Variants in TRIM33 observed in about 807,000 individuals in gnomAD.
TRIM33 encodes the protein tripartite motif containing 33.
In TRIM33, 20 loss-of-function variants were observed where a neutral mutation model predicts 125.4. The observed-to-expected ratio is 0.16, with a 90% CI of 0.11 to 0.23. TRIM33 has a LOEUF of 0.23. Ranked by LOEUF, TRIM33 falls within the 10% of genes least tolerant of loss-of-function variation. The probability of loss-of-function intolerance (pLI) is 1.00; values close to 1 mark genes in which losing one functional copy is unlikely to be tolerated. For synonymous variants in TRIM33, 564 were observed against 513.9 expected, an observed-to-expected ratio of 1.10 and a Z score of -1.32; for missense variants, 920 against 1,411.4, an observed-to-expected ratio of 0.65 and a Z score of 5.58.
chr1:114,398,042 TAA>T lies in TRIM33; in HGVS notation c.3121-54_3121-53del, dbSNP rs754154851. The T allele has an allele frequency of 3.2e-6, 5 of 1,586,220 alleles. No individual in the cohort carries two copies. In the East Asian group the frequency reaches 1.1e-4, roughly 35 times the overall value. On this transcript the variant is annotated intron_variant, in intron 18 of 19. Coordinates refer to ENST00000358465, the MANE Select transcript of TRIM33 (RefSeq NM_015906.4). ...AAAAAAGGGAAATTATAATCCTTTCTAAAGTTATGAGACTGCATAGGATTGGC... is the reference window on the plus strand; with the variant it reads ...AAAAAAGGGAAATTATAATCCTTTCTAGTTATGAGACTGCATAGGATTGGC...
At chr1:114,407,223 A>G (rs1652302585) in intron 13 of TRIM33, 123 bp from the exon 14 acceptor site, 13 of 793,040 alleles carry the variant, frequency 1.6e-5, no homozygotes, top group Non-Finnish European at 2.1e-5. Flanking sequence ...ACAGAAGATA[A>G]GGATACCTCA....
At chr1:114,479,247 T>C (rs1651156504) in intron 1 of TRIM33, among the ~76,000 whole-genome samples, 1 of 152,060 alleles carries the variant, frequency 6.6e-6, no homozygotes. Flanking sequence ...AGAAAAAATG[T>C]TTGAAGAAAT....
At chr1:114,502,060 G>C (rs1459578974) in intron 1 of TRIM33, among the ~76,000 whole-genome samples, 4 of 152,096 alleles carry the variant, frequency 2.6e-5, no homozygotes, top group Non-Finnish European at 5.9e-5. Context: ...GGCTTAGATA[G>C]ACTGTCATAA....
chr1:114,503,569 C>A (rs1373333835), intron 1 of TRIM33, among the ~76,000 whole-genome samples: 1 of 152,084 alleles, frequency 6.6e-6, no homozygotes, highest in Non-Finnish European at 1.5e-5. Flanking sequence ...GAATATATTG[C>A]AATAAGCTAC....
At chr1:114,492,439 A>G (rs946886059) in intron 1 of TRIM33, among the ~76,000 whole-genome samples, 1 of 152,180 alleles carries the variant, frequency 6.6e-6, no homozygotes, top group East Asian at 1.9e-4. Flanking sequence ...TATGGCATTA[A>G]CTACATTCAA....
chr1:114,464,871 A>G (rs1266806478), intron 1 of TRIM33, among the ~76,000 whole-genome samples: 1 of 152,174 alleles, frequency 6.6e-6, no homozygotes, highest in Non-Finnish European at 1.5e-5. Context: ...TTATAGATGA[A>G]GGAAGAAGCC....
chr1:114,435,408 A>T (rs1017376329), intron 4 of TRIM33, among the ~76,000 whole-genome samples: 1 of 152,224 alleles, frequency 6.6e-6, no homozygotes, highest in Non-Finnish European at 1.5e-5. Context: ...AATCATTGGA[A>T]ATGAGTTCAC....
chr1:114,470,826 G>C (rs1650594860), intron 1 of TRIM33, among the ~76,000 whole-genome samples: 1 of 152,172 alleles, frequency 6.6e-6, no homozygotes, highest in Non-Finnish European at 1.5e-5. Flanking sequence ...TTTGAGATAG[G>C]GTCTTGCTCT....
rs1190318478 is a variant in TRIM33, at chr1:114,421,367, T to C, written c.2061+69A>G. On this transcript the variant is annotated intron_variant, in intron 11 of 19. Coordinates refer to ENST00000358465, the MANE Select transcript of TRIM33 (RefSeq NM_015906.4). Reference sequence around the variant, plus strand: ...ATCCTGAATTAAAAAAAAAAAACTCTGAAATAAATACTCTAACTCTGTAAT... The same window carrying C: ...ATCCTGAATTAAAAAAAAAAAACTCCGAAATAAATACTCTAACTCTGTAAT... 6 of 1,412,948 alleles carry C rather than the reference T, an allele frequency of 4.2e-6. No homozygotes were observed. The East Asian group carries it at 1.1e-4, about 27-fold the overall frequency. 87.5% of individuals were successfully genotyped at this position (1,412,948 alleles called of 1,614,324 possible).
intron 6 of TRIM33, among the ~76,000 whole-genome samples, chr1:114,429,360 G>GT (rs1392442712): frequency 0.032 from 4,516 of 141,676 alleles, 125 homozygotes; most frequent in African/African-American, 0.08. Flanking sequence ...GCTAATTTTT[G>GT]TTTTTTTTTT....
chr1:114,484,590 T>C (rs569886567), intron 1 of TRIM33, among the ~76,000 whole-genome samples: 2 of 152,208 alleles, frequency 1.3e-5, no homozygotes, highest in Non-Finnish European at 2.9e-5. Flanking sequence ...AGGCTGGGCA[T>C]GGTAGCTCAC....
chr1:114,464,864 T>C (rs370196491), intron 1 of TRIM33, among the ~76,000 whole-genome samples: 4 of 151,948 alleles, frequency 2.6e-5, no homozygotes, highest in Non-Finnish European at 5.9e-5. Context: ...ATGCACTTTA[T>C]AGATGAAGGA....
chr1:114,461,289 TA>T (rs1263520920), intron 4 of TRIM33, among the ~76,000 whole-genome samples: 40 of 132,430 alleles, frequency 3.0e-4, no homozygotes, highest in African/African-American at 1.1e-3. Flanking sequence ...TATTATTATA[TA>T]TTTATATATT....
At chr1:114,446,486 TA>T (rs1648984502) in intron 4 of TRIM33, among the ~76,000 whole-genome samples, 1 of 152,100 alleles carries the variant, frequency 6.6e-6, no homozygotes, top group Non-Finnish European at 1.5e-5. Context: ...GTAAAGTTAC[TA>T]AAACCATACA....
chr1:114,452,194 C>T (rs1414133829), intron 4 of TRIM33, among the ~76,000 whole-genome samples: 2 of 152,146 alleles, frequency 1.3e-5, no homozygotes, highest in Non-Finnish European at 2.9e-5. Flanking sequence ...CATAAACAGG[C>T]TGGGCATGGT....
intron 4 of TRIM33, among the ~76,000 whole-genome samples, chr1:114,441,674 T>C: frequency 6.6e-6 from 1 of 152,216 alleles, no homozygotes; most frequent in East Asian, 1.9e-4. Flanking sequence ...TTGCAATAAT[T>C]TTGCCATTTA....
At chr1:114,510,497 T>C (rs758695304) in intron 1 of TRIM33, 54 bp downstream of exon 1, 120 of 1,430,730 alleles carry the variant, frequency 8.4e-5, no homozygotes, top group Non-Finnish European at 1.1e-4. Flanking sequence ...CCAGCTCCTC[T>C]AGGGTTGCGC....
chr1:114,489,661 C>T (rs933724756), intron 1 of TRIM33, among the ~76,000 whole-genome samples: 2 of 152,024 alleles, frequency 1.3e-5, no homozygotes, highest in African/African-American at 4.8e-5. Flanking sequence ...GGGAGGATTA[C>T]CTGAGCCCAC....
intron 4 of TRIM33, among the ~76,000 whole-genome samples, chr1:114,462,048 C>T (rs1373059379): frequency 6.6e-6 from 1 of 152,178 alleles, no homozygotes. Context: ...TGGAGTCTGA[C>T]TACCTGTATT....
Sources: gnomAD v4.1 joint callset for allele counts (sites outside exome capture counted in the v4.1 genomes callset) on GRCh38, gnomAD v4.1.1 for gene constraint, MANE v1.5 for transcripts, NCBI Gene and HGNC (gene_info 2026-07-23, HGNC 2026-07-21) for gene names.